Variants in SND1 observed in about 807,000 individuals in gnomAD.
SND1 encodes staphylococcal nuclease and tudor domain containing 1.
A neutral mutation model predicts 121.7 loss-of-function variants in SND1; 38 were observed. The ratio of observed to expected loss-of-function variants is 0.31; its 90% CI spans 0.24 to 0.41. The LOEUF is 0.41. Ranked by LOEUF, SND1 falls within the 10% of genes least tolerant of loss-of-function variation. The pLI, the probability that SND1 is intolerant of heterozygous loss-of-function variation, is 1.00. For missense variants in SND1, 868 were observed against 1,184.6 expected, an observed-to-expected ratio of 0.73 and a Z score of 3.92; for synonymous variants, 401 against 447.4, an observed-to-expected ratio of 0.90 and a Z score of 1.31.
intron 11 of SND1, among the ~76,000 whole-genome samples, chr7:127,836,328 T>G (rs1030270490): frequency 6.6e-6 from 1 of 152,100 alleles, no homozygotes; most frequent in Non-Finnish European, 1.5e-5. Context: ...CAAAATAGTT[T>G]TGGGGTTTGG....
intron 1 of SND1, among the ~76,000 whole-genome samples, chr7:127,674,865 A>G (rs1795588942): frequency 6.6e-6 from 1 of 152,174 alleles, no homozygotes; most frequent in Admixed American, 6.6e-5. Flanking sequence ...ACTTTTAAAA[A>G]TGATCTCCAG....
chr7:128,022,200 C>T (rs1421120183), intron 16 of SND1, among the ~76,000 whole-genome samples: 2 of 102,062 alleles, frequency 2.0e-5, no homozygotes, highest in African/African-American at 8.8e-5. Flanking sequence ...GCAAGACTCT[C>T]TCTCAAAAAA....
chr7:127,914,294 G>T (rs760734545), intron 14 of SND1, among the ~76,000 whole-genome samples: 4 of 152,094 alleles, frequency 2.6e-5, no homozygotes, highest in Admixed American at 1.3e-4. Context: ...GGACTTCATT[G>T]TTAATTAGCA....
At chr7:127,696,879 C>T (rs1230864794) in intron 3 of SND1, among the ~76,000 whole-genome samples, 1 of 152,092 alleles carries the variant, frequency 6.6e-6, no homozygotes, top group Non-Finnish European at 1.5e-5. Flanking sequence ...TAAATATGTA[C>T]TTAAAGAATG....
intron 10 of SND1, among the ~76,000 whole-genome samples, chr7:127,791,178 C>T (rs1183944560): frequency 7.3e-6 from 1 of 136,230 alleles, no homozygotes; most frequent in African/African-American, 2.8e-5. Flanking sequence ...CAGGGTCTCA[C>T]TCTGTCCCCA....
At chr7:127,663,982 T>A (rs1016125831) in intron 1 of SND1, among the ~76,000 whole-genome samples, 1 of 152,182 alleles carries the variant, frequency 6.6e-6, no homozygotes, top group Non-Finnish European at 1.5e-5. Flanking sequence ...AAAAGAAATA[T>A]ATCTGGTCGT....
chr7:127,938,773 G>A (rs1363574177), intron 15 of SND1, among the ~76,000 whole-genome samples: 1 of 152,104 alleles, frequency 6.6e-6, no homozygotes, highest in East Asian at 1.9e-4. Context: ...TCACCCACTG[G>A]TCATGTGAAT....
At chr7:127,858,865 G>A (rs569618155) in intron 12 of SND1, among the ~76,000 whole-genome samples, 39 of 152,208 alleles carry the variant, frequency 2.6e-4, no homozygotes, top group Non-Finnish European at 4.6e-4. Context: ...TAGCAGTGGC[G>A]TGGTATTTCT....
At chr7:127,858,687 G>A (rs1799327381) in intron 12 of SND1, among the ~76,000 whole-genome samples, 1 of 152,118 alleles carries the variant, frequency 6.6e-6, no homozygotes, top group African/African-American at 2.4e-5. Context: ...GACAGGTAGT[G>A]GAATTCCTCT....
At chr7:128,031,917 G>A (rs1261583912) in intron 16 of SND1, 1 of 151,228 alleles carries the variant, frequency 6.6e-6, no homozygotes, top group Non-Finnish European at 1.5e-5. Context: ...GAGCAGCGGG[G>A]GTCGCGGCTG....
intron 10 of SND1, among the ~76,000 whole-genome samples, chr7:127,737,047 C>T (rs1228262674): frequency 6.6e-6 from 1 of 151,024 alleles, no homozygotes; most frequent in Non-Finnish European, 1.5e-5. Context: ...ACAGTCACCC[C>T]CAAGTAAGTG....
chr7:127,836,006 C>T (rs1027347794), intron 11 of SND1, among the ~76,000 whole-genome samples: 30 of 152,010 alleles, frequency 2.0e-4, no homozygotes, highest in African/African-American at 6.8e-4. Flanking sequence ...TTGTGGATCT[C>T]GAGTTTGTGT....
At chr7:127,956,816 A>AT (rs1434423431) in intron 15 of SND1, among the ~76,000 whole-genome samples, 1 of 152,146 alleles carries the variant, frequency 6.6e-6, no homozygotes, top group African/African-American at 2.4e-5. Context: ...TCTCTTGTTT[A>AT]TTTTATTAGA....
At chr7:127,751,127 G>A (rs1054709278) in intron 10 of SND1, among the ~76,000 whole-genome samples, 7 of 152,000 alleles carry the variant, frequency 4.6e-5, no homozygotes, top group Non-Finnish European at 1.0e-4. Context: ...TGTTGTTGGT[G>A]TTTTGTTTCC....
intron 10 of SND1, among the ~76,000 whole-genome samples, chr7:127,725,090 G>A (rs1796559112): frequency 6.6e-6 from 1 of 152,292 alleles, no homozygotes; most frequent in East Asian, 1.9e-4. Flanking sequence ...TTATGTTAAA[G>A]TTACCAGAGA....
rs1241041766 is a variant in SND1 at position 128,015,488 on chromosome 7, T to C, written c.1779+24432T>C. 6.6e-6 allele frequency among the ~76,000 whole-genome samples: 1 copy of C among 152,198 alleles called. No individual in the cohort carries two copies. Among genetic ancestry groups the C allele is most frequent in the Non-Finnish European group, 1.5e-5 (1 of 68,038 alleles). Reference sequence around the variant, plus strand: ...AAAAAAGCACATGTCAGAAATCACCTTTCTTCCTTTTCCTACCCTTACCTC... The same window carrying C: ...AAAAAAGCACATGTCAGAAATCACCCTTCTTCCTTTTCCTACCCTTACCTC... On this transcript the variant is annotated intron_variant, in intron 16 of 23. Transcript: ENST00000354725. This position sits in a 1 kb window ranked among gnomAD's most constrained non-coding sequence, Gnocchi z 4.5.
chr7:127,924,861 C>T (rs1800798673), intron 14 of SND1, among the ~76,000 whole-genome samples: 1 of 152,142 alleles, frequency 6.6e-6, no homozygotes, highest in Admixed American at 6.5e-5. Flanking sequence ...GATAGATGTA[C>T]CCACATTTGG....
chr7:127,777,083 T>C lies in SND1; in HGVS notation c.1153-30401T>C, dbSNP rs147195302. On this transcript the variant is annotated intron_variant, in intron 10 of 23. Coordinates refer to ENST00000354725, the MANE Select transcript of SND1 (RefSeq NM_014390.4). ...GGCCCTTTTCATCCTCAGTCACAAA[T>C]AGTGAATTTTATAACTATTAGGTTA... 1.2e-3 allele frequency among the ~76,000 whole-genome samples: 183 copies of C among 152,316 alleles called. 1 individual carries two copies. The highest frequency in any genetic ancestry group is 1.7e-3 in the Non-Finnish European group (117 of 68,022).
At chr7:127,784,575 G>C (rs996270072) in intron 10 of SND1, among the ~76,000 whole-genome samples, 8 of 152,140 alleles carry the variant, frequency 5.3e-5, no homozygotes, top group Non-Finnish European at 1.2e-4. Context: ...CTTCAACCTG[G>C]AGTAATTTAC....
Sources: gnomAD v4.1 joint callset for allele counts (sites outside exome capture counted in the v4.1 genomes callset) on GRCh38, gnomAD v4.1.1 for gene constraint, Gnocchi (gnomAD v3.1) non-coding constraint, MANE v1.5 for transcripts, NCBI Gene and HGNC (gene_info 2026-07-23, HGNC 2026-07-21) for gene names.